CNTNAP2: variants seen among roughly 807,000 people sequenced by gnomAD.
CNTNAP2 encodes the protein contactin associated protein 2.
A neutral mutation model predicts 155.2 loss-of-function variants in CNTNAP2; 98 were observed. The observed-to-expected ratio is 0.63, with a 90% CI of 0.54 to 0.75. CNTNAP2 has a LOEUF of 0.75. Among genes scored for constraint, CNTNAP2 ranks in the 30% least tolerant of loss-of-function variants. CNTNAP2 has a pLI of 0.00. For synonymous variants in CNTNAP2, 651 were observed against 631.2 expected (o/e 1.03, Z -0.47); for missense variants, 1,727 against 1,688.1 (o/e 1.02, Z -0.40).
At chr7:147,903,510 G>A in intron 13 of CNTNAP2, 55 bp from the exon 14 acceptor site, 1 of 1,587,628 alleles carries the variant, frequency 6.3e-7, no homozygotes, top group South Asian at 1.1e-5. Flanking sequence ...AAGTGTGGCA[G>A]TCTAATGACT....
intron 13 of CNTNAP2, among the ~76,000 whole-genome samples, chr7:147,862,306 G>A (rs1373053016): frequency 2.0e-5 from 3 of 152,140 alleles, no homozygotes; most frequent in African/African-American, 7.2e-5. Context: ...CTAGTCATTT[G>A]CATCAATTTC....
chr7:146,476,000 G>A (rs1307163354), intron 1 of CNTNAP2, among the ~76,000 whole-genome samples: 1 of 152,084 alleles, frequency 6.6e-6, no homozygotes, highest in African/African-American at 2.4e-5. Flanking sequence ...GAAATATCAG[G>A]TGAGTTGATA....
At chr7:146,352,124 T>A (rs1446952858) in intron 1 of CNTNAP2, among the ~76,000 whole-genome samples, 1 of 152,326 alleles carries the variant, frequency 6.6e-6, no homozygotes, top group East Asian at 1.9e-4. Context: ...ATTTTACTTT[T>A]TTTATATCGC....
chr7:146,275,097 A>G (rs1326779974), intron 1 of CNTNAP2, among the ~76,000 whole-genome samples: 1 of 152,174 alleles, frequency 6.6e-6, no homozygotes, highest in Non-Finnish European at 1.5e-5. Context: ...TGAAGATAAT[A>G]CGCACTATGC....
intron 3 of CNTNAP2, among the ~76,000 whole-genome samples, chr7:147,025,339 GGGGGA>G (rs1156638871): frequency 3.8e-4 from 14 of 36,374 alleles, no homozygotes; most frequent in Non-Finnish European, 5.4e-4. Flanking sequence ...GAGAAGAAAG[GGGGGA>G]GGGGAGGGGA....
intron 1 of CNTNAP2, among the ~76,000 whole-genome samples, chr7:146,159,762 G>A (rs1043095514): frequency 8.5e-5 from 13 of 152,176 alleles, no homozygotes; most frequent in Middle Eastern, 3.4e-3. Flanking sequence ...TACATACAAC[G>A]AGACTTAGAC....
intron 1 of CNTNAP2, among the ~76,000 whole-genome samples, chr7:146,411,847 T>TTTATTTA (rs1395923858): frequency 5.0e-5 from 3 of 59,760 alleles, no homozygotes; most frequent in African/African-American, 3.5e-4. Flanking sequence ...TATTTATTTA[T>TTTATTTA]TTTATTTGAG....
intron 3 of CNTNAP2, among the ~76,000 whole-genome samples, chr7:146,910,120 G>A (rs973479865): frequency 4.6e-5 from 6 of 130,462 alleles, no homozygotes; most frequent in Non-Finnish European, 1.0e-4. Context: ...CCTCTTCAAG[G>A]AGAACTACAA....
intron 3 of CNTNAP2, among the ~76,000 whole-genome samples, chr7:146,935,222 T>C (rs1796887396): frequency 6.6e-6 from 1 of 152,190 alleles, no homozygotes; most frequent in Non-Finnish European, 1.5e-5. Context: ...TTGAGACTCT[T>C]ATCTTTGAGT....
chr7:146,942,867 C>A (rs145619082), intron 3 of CNTNAP2, among the ~76,000 whole-genome samples: 1 of 152,126 alleles, frequency 6.6e-6, no homozygotes, highest in Non-Finnish European at 1.5e-5. Context: ...AATCTTTGAC[C>A]TTACTATTCC....
chr7:146,231,956 A>G (rs960316937), intron 1 of CNTNAP2, among the ~76,000 whole-genome samples: 5 of 152,224 alleles, frequency 3.3e-5, no homozygotes, highest in East Asian at 1.9e-4. Context: ...TTTTTTTTCT[A>G]ATTTTTGCAA....
At chr7:147,993,486 G>A (rs11974390) in intron 15 of CNTNAP2, among the ~76,000 whole-genome samples, 10,153 of 152,190 alleles carry the variant, frequency 0.067, 758 homozygotes, top group African/African-American at 0.19. Context: ...AGTTTGCTTG[G>A]CTTATGCTGA....
At chr7:146,884,907 T>G (rs1311826479) in intron 3 of CNTNAP2, among the ~76,000 whole-genome samples, 2 of 152,156 alleles carry the variant, frequency 1.3e-5, no homozygotes, top group South Asian at 2.1e-4. Flanking sequence ...TTAAAAATTT[T>G]TACAGCTCTC....
intron 1 of CNTNAP2, among the ~76,000 whole-genome samples, chr7:146,271,582 T>A (rs1357161987): frequency 6.6e-6 from 1 of 151,778 alleles, no homozygotes; most frequent in Non-Finnish European, 1.5e-5. Context: ...AACAGAAACA[T>A]ACTTCATAAT....
At chr7:146,538,019 T>G (rs980566644) in intron 1 of CNTNAP2, among the ~76,000 whole-genome samples, 1 of 152,030 alleles carries the variant, frequency 6.6e-6, no homozygotes, top group Non-Finnish European at 1.5e-5. Context: ...TAGTACTATA[T>G]TGAAAATAGA....
intron 19 of CNTNAP2, among the ~76,000 whole-genome samples, chr7:148,218,411 A>T (rs1361154068): frequency 1.3e-5 from 2 of 152,080 alleles, no homozygotes; most frequent in African/African-American, 4.8e-5. Context: ...ATTTTTTTTG[A>T]AACAGGGTCT....
At chr7:146,414,819 A>T (rs1795914097) in intron 1 of CNTNAP2, among the ~76,000 whole-genome samples, 1 of 152,214 alleles carries the variant, frequency 6.6e-6, no homozygotes, top group Non-Finnish European at 1.5e-5. Context: ...GTGGAATAAC[A>T]GGCTTGAGAG....
intron 1 of CNTNAP2, among the ~76,000 whole-genome samples, chr7:146,150,093 G>A (rs979514473): frequency 6.6e-6 from 1 of 152,042 alleles, no homozygotes; most frequent in African/African-American, 2.4e-5. Context: ...AGACAACACA[G>A]TAAAAATGGG....
At chr7:148,392,945 G>A (rs942434374) in intron 22 of CNTNAP2, among the ~76,000 whole-genome samples, 14 of 151,994 alleles carry the variant, frequency 9.2e-5, no homozygotes, top group African/African-American at 2.4e-4. Context: ...TCACCACATC[G>A]GACACTTTAC....
Sources: allele counts gnomAD v4.1 joint callset (sites outside exome capture counted in the v4.1 genomes callset), GRCh38; gene constraint gnomAD v4.1.1; transcripts MANE v1.5; gene names NCBI Gene and HGNC (gene_info 2026-07-23, HGNC 2026-07-21).